IQSEC1: variants seen among roughly 807,000 people sequenced by gnomAD.
IQSEC1 encodes IQ motif and SEC7 domain-containing protein 1.
A neutral mutation model predicts 91.0 loss-of-function variants in IQSEC1; 31 were observed. That is an observed-to-expected ratio of 0.34 (90% CI 0.26 to 0.46). The LOEUF is 0.46. IQSEC1 is among the 20% of genes least tolerant of loss of function. The pLI is 1.00. For missense variants in IQSEC1, 1,388 were observed against 1,575.6 expected (o/e 0.88, Z 2.02); for synonymous variants, 699 against 662.6 (o/e 1.05, Z -0.84).
chr3:13,122,882 T>C (rs1227311668), intron 2 of IQSEC1, among the ~76,000 whole-genome samples: 4 of 152,142 alleles, frequency 2.6e-5, no homozygotes, highest in Non-Finnish European at 5.9e-5. Context: ...AGGGGCTACT[T>C]CCACATCAAT....
Position 13,157,381 on chromosome 3 carries a change from A to G in IQSEC1, c.302+6723T>C, listed in dbSNP as rs527253375. ...GCCCAGTGACTTCAATGTGGCTCCT[A>G]TAAGATCTTTCTACTTCCCGTGTAA... On this transcript the variant is annotated intron_variant, in intron 2 of 15. Coordinates refer to the IQSEC1 transcript ENST00000648114. Among the ~76,000 whole-genome samples, 77 of 152,282 alleles carry G rather than the reference A, an allele frequency of 5.1e-4. 1 individual carries two copies. The highest frequency in any genetic ancestry group is 1.8e-3 in the African/African-American group (76 of 41,568).
rs550011159 is a variant in IQSEC1, at chr3:13,168,420, C to T, written c.273-4287G>A. Among the ~76,000 whole-genome samples the T allele has an allele frequency of 5.3e-5, 8 of 152,250 alleles. No individual in the cohort carries two copies. The South Asian group carries it at 1.7e-3, about 32-fold the overall frequency. On this transcript the variant is annotated intron_variant, in intron 1 of 15. Coordinates refer to the IQSEC1 transcript ENST00000648114. ...ATGACAGTTTACATCAGTCTATGCCCGTCTTCCTCACTTAACACGGATCAT... is the reference window on the plus strand; with the variant it reads ...ATGACAGTTTACATCAGTCTATGCCTGTCTTCCTCACTTAACACGGATCAT...
In IQSEC1 at chr3:12,966,542, A is replaced by ACTCCCTTT. The variant is rs539419223; in HGVS notation, c.24-24685_24-24678dup. ...CAATATTCCCAGCACATACACACAC[A>ACTCCCTTT]CTCCCTTTCTCCCTTTCTCTCCATA... is the stretch of plus-strand genomic sequence containing the variant. On this transcript the variant is annotated intron_variant, in intron 1 of 13. Transcript: ENST00000613206. Among the ~76,000 whole-genome samples, 47 of 151,488 alleles carry ACTCCCTTT rather than the reference A, an allele frequency of 3.1e-4. 1 individual carries two copies. In the South Asian group the frequency reaches 9.4e-3, roughly 30 times the overall value.
rs1311307074 is a variant in IQSEC1, at chr3:12,898,505, G to A, written c.*2478C>T. 1 of 152,202 alleles carries A rather than the reference G, an allele frequency of 6.6e-6. No individual in the cohort carries two copies. Among genetic ancestry groups the A allele is most frequent in the Non-Finnish European group, 1.5e-5 (1 of 68,066 alleles). 9.4% of individuals were successfully genotyped at this position (152,202 alleles called of 1,614,324 possible). A position where few individuals can be genotyped will look rare whatever the true frequency, so the allele number is the denominator to read the frequency against. On this transcript the variant is annotated 3_prime_UTR_variant, in exon 14 of 14. Transcript: ENST00000613206. ...ACAGTGCCACAGGCTGGCAGCCCGA[G>A]GCTGTGGAGCTTGCAGGATGGCGAT...
chr3:13,073,551 G>A (rs968164616), upstream of IQSEC1, among the ~76,000 whole-genome samples: 1 of 151,764 alleles, frequency 6.6e-6, no homozygotes, highest in Non-Finnish European at 1.5e-5. Flanking sequence ...CATCAGGCGC[G>A]GCCGCTCGGC....
intron 1 of IQSEC1, among the ~76,000 whole-genome samples, chr3:13,064,486 G>C (rs573328668): frequency 6.6e-6 from 1 of 152,332 alleles, no homozygotes; most frequent in East Asian, 1.9e-4. Flanking sequence ...TCGTGGGTGG[G>C]CCTACCCTAT....
At chr3:13,038,714 C>T (rs886997809) in intron 1 of IQSEC1, among the ~76,000 whole-genome samples, 3 of 151,974 alleles carry the variant, frequency 2.0e-5, no homozygotes, top group South Asian at 4.2e-4. Context: ...CCCTCAATGT[C>T]GGGGGAAAGA....
chr3:12,909,876 C>T lies in IQSEC1; in HGVS notation c.2417-442G>A, dbSNP rs572394504. Among the ~76,000 whole-genome samples the T allele has an allele frequency of 3.3e-5, 5 of 152,326 alleles. No individual in the cohort carries two copies. Among genetic ancestry groups the T allele is most frequent in the South Asian group, 4.1e-4 (2 of 4,830 alleles). On this transcript the variant is annotated intron_variant, in intron 10 of 13. Transcript: ENST00000613206. This position sits in a 1 kb window ranked among gnomAD's most constrained non-coding sequence, Gnocchi z 4.9. ...GCCCAGACCTGCCTGGTGCCACCTCCGGGCTCTCAGGGTCCCTGGGGCTTT... is the reference window on the plus strand; with the variant it reads ...GCCCAGACCTGCCTGGTGCCACCTCTGGGCTCTCAGGGTCCCTGGGGCTTT...
At chr3:13,076,914 G>A (rs767676156), upstream of IQSEC1, among the ~76,000 whole-genome samples, 10 of 152,008 alleles carry the variant, frequency 6.6e-5, no homozygotes, top group Non-Finnish European at 1.3e-4. Flanking sequence ...TCTGTTTGGA[G>A]TGGATCCTTC....
intron 3 of IQSEC1, among the ~76,000 whole-genome samples, chr3:12,933,360 C>T (rs958031717): frequency 3.9e-5 from 6 of 152,164 alleles, no homozygotes; most frequent in African/African-American, 9.7e-5. Context: ...ATAGCCACGG[C>T]GGGGACTACC....
At chr3:13,010,569 G>A (rs13433972) in intron 1 of IQSEC1, among the ~76,000 whole-genome samples, 1,645 of 152,310 alleles carry the variant, frequency 0.011, 30 homozygotes, top group African/African-American at 0.037. Flanking sequence ...AAAAGAGGCC[G>A]GCGTCTGGGG....
At chr3:12,923,029 C>T (rs1024034728) in intron 4 of IQSEC1, among the ~76,000 whole-genome samples, 1 of 152,108 alleles carries the variant, frequency 6.6e-6, no homozygotes. Flanking sequence ...CACATGGGGG[C>T]GATGCAGCTG....
chr3:13,057,201 G>T lies in IQSEC1; in HGVS notation c.23+15791C>A, dbSNP rs558519986. Among the ~76,000 whole-genome samples the T allele has an allele frequency of 3.5e-4, 53 of 152,296 alleles. 1 individual carries two copies. Among genetic ancestry groups the T allele is most frequent in the Middle Eastern group, 3.4e-3 (1 of 294 alleles). On this transcript the variant is annotated intron_variant, in intron 1 of 13. Coordinates refer to ENST00000613206, the MANE Select transcript of IQSEC1 (RefSeq NM_001134382.3). ...CTTGAACTCACTCTCTGGCCATTCG[G>T]TCTCAGGCACAGCTCCCCGTGTGGA...
chr3:12,903,181 T>C (rs577633681), intron 12 of IQSEC1, among the ~76,000 whole-genome samples: 1 of 152,330 alleles, frequency 6.6e-6, no homozygotes, highest in South Asian at 2.1e-4. Context: ...TGTTCACCCC[T>C]GACTCGGGTG....
intron 1 of IQSEC1, among the ~76,000 whole-genome samples, chr3:12,999,530 G>T (rs1702342434): frequency 6.6e-6 from 1 of 152,194 alleles, no homozygotes; most frequent in Non-Finnish European, 1.5e-5. Context: ...TGTGGGGACA[G>T]ATGACACAGC....
intron 1 of IQSEC1, among the ~76,000 whole-genome samples, chr3:13,197,045 T>G (rs934901851): frequency 6.6e-6 from 1 of 152,070 alleles, no homozygotes; most frequent in African/African-American, 2.4e-5. Context: ...TGCCTCCACC[T>G]GGAGGCCCCT....
chr3:12,933,344 TA>T (rs907437244), intron 3 of IQSEC1, among the ~76,000 whole-genome samples: 2 of 151,972 alleles, frequency 1.3e-5, no homozygotes, highest in African/African-American at 4.8e-5. Flanking sequence ...ACTGGCCAAA[TA>T]ACCTATAGCC....
chr3:13,083,803 C>T (rs1705689276), intron 2 of IQSEC1, among the ~76,000 whole-genome samples: 1 of 152,254 alleles, frequency 6.6e-6, no homozygotes, highest in African/African-American at 2.4e-5. Context: ...TGAGATCTCG[C>T]TCCACTTTCT....
At chr3:13,236,143 G>A (rs1323699937) in intron 1 of IQSEC1, among the ~76,000 whole-genome samples, 1 of 152,122 alleles carries the variant, frequency 6.6e-6, no homozygotes, top group South Asian at 2.1e-4. Flanking sequence ...CTGCACAGAA[G>A]TTCAAGGGCA....
Sources: gnomAD v4.1 joint callset for allele counts (sites outside exome capture counted in the v4.1 genomes callset) on GRCh38, gnomAD v4.1.1 for gene constraint, Gnocchi (gnomAD v3.1) non-coding constraint, MANE v1.5 for transcripts, NCBI Gene and HGNC (gene_info 2026-07-23, HGNC 2026-07-21) for gene names.